Variants in ZNRF2 observed in about 807,000 individuals in gnomAD.
ZNRF2 encodes the protein zinc and ring finger 2, also known as E3 ubiquitin-protein ligase ZNRF2.
A neutral mutation model predicts 20.4 loss-of-function variants in ZNRF2; 16 were observed. The observed-to-expected ratio is 0.79, with a 90% confidence interval of 0.53 to 1.19. The LOEUF (loss-of-function observed/expected upper bound fraction) is 1.19, where lower values mean the gene tolerates loss of function less well. Ranked by LOEUF, ZNRF2 falls within the 50% of genes most tolerant of loss-of-function variation. The pLI, the probability that ZNRF2 is intolerant of heterozygous loss-of-function variation, is 0.00. For synonymous variants in ZNRF2, 178 were observed against 144.9 expected (o/e 1.23, Z -1.64); for missense variants, 363 against 332.4 (o/e 1.09, Z -0.72).
At chr7:30,356,863 G>C (rs943453567) in intron 3 of ZNRF2, among the ~76,000 whole-genome samples, 8 of 152,002 alleles carry the variant, frequency 5.3e-5, no homozygotes, top group Non-Finnish European at 7.4e-5. Flanking sequence ...CTGCCACCAT[G>C]CCCGGCTAAT....
intron 1 of ZNRF2, among the ~76,000 whole-genome samples, chr7:30,301,409 G>A (rs1799111798): frequency 6.6e-6 from 1 of 152,088 alleles, no homozygotes; most frequent in African/African-American, 2.4e-5. Flanking sequence ...CTTAAACCCG[G>A]GTGGTGGAGG....
intron 1 of ZNRF2, among the ~76,000 whole-genome samples, chr7:30,295,944 T>G (rs985376465): frequency 3.2e-4 from 49 of 152,318 alleles, no homozygotes; most frequent in Admixed American, 1.2e-3. Context: ...AACAATCCAG[T>G]TTTCATTATT....
At chr7:30,305,482 TCTC>T (rs1410893633) in intron 1 of ZNRF2, among the ~76,000 whole-genome samples, 1 of 152,156 alleles carries the variant, frequency 6.6e-6, no homozygotes, top group Non-Finnish European at 1.5e-5. Context: ...GTAAGTTTGT[TCTC>T]CTTGTTTTTT....
intron 1 of ZNRF2, among the ~76,000 whole-genome samples, chr7:30,307,054 A>G (rs769267939): frequency 7.9e-5 from 12 of 152,040 alleles, no homozygotes; most frequent in Non-Finnish European, 1.2e-4. Context: ...AATGGTAAGT[A>G]TTTAAATAAG....
At chr7:30,358,085 A>G (rs895750049) in intron 3 of ZNRF2, among the ~76,000 whole-genome samples, 1 of 152,218 alleles carries the variant, frequency 6.6e-6, no homozygotes, top group Non-Finnish European at 1.5e-5. Context: ...ACATTAACAA[A>G]GGAAAGAAAC....
intron 1 of ZNRF2, among the ~76,000 whole-genome samples, chr7:30,310,167 T>C (rs1799270947): frequency 6.6e-6 from 1 of 152,212 alleles, no homozygotes; most frequent in South Asian, 2.1e-4. Flanking sequence ...AGGTGGGTGA[T>C]GGCTTGAGAA....
intron 1 of ZNRF2, among the ~76,000 whole-genome samples, chr7:30,323,285 A>G (rs936753054): frequency 6.6e-6 from 1 of 152,226 alleles, no homozygotes; most frequent in Non-Finnish European, 1.5e-5. Flanking sequence ...AATTTCCACA[A>G]GAGTAGTCAG....
chr7:30,303,306 A>AT (rs1799148643), intron 1 of ZNRF2, among the ~76,000 whole-genome samples: 1 of 151,986 alleles, frequency 6.6e-6, no homozygotes, highest in African/African-American at 2.4e-5. Context: ...TAGTTAACTC[A>AT]TTTTAATTCA....
chr7:30,285,712 A>G lies in ZNRF2; in HGVS notation c.355A>G (p.Ser119Gly). ...GPYGSQDSVH[S>G]SPEDGGGGRD... is the part of the protein sequence containing the mutation. ...GTACGGCTCGCAGGACTCGGTGCAC[A>G]GCAGCCCTGAGGACGGCGGCGGCGG... Residue 119 changes from serine (S) to glycine (G), a missense_variant, in exon 1 of 5, where the codon AGC becomes GGC. Coordinates refer to ENST00000323037, the MANE Select transcript of ZNRF2 (RefSeq NM_147128.4). 5.4e-6 allele frequency: 8 copies of G among 1,477,364 alleles called. No individual in the cohort carries two copies. The highest frequency in any genetic ancestry group is 7.1e-6 in the Non-Finnish European group (8 of 1,121,158). The allele number at this position is 1,477,364 out of a possible 1,614,324, so 91.5% of individuals were successfully genotyped here.
chr7:30,352,735 T>G (rs963212282), intron 2 of ZNRF2, among the ~76,000 whole-genome samples: 1 of 152,062 alleles, frequency 6.6e-6, no homozygotes, highest in African/African-American at 2.4e-5. Flanking sequence ...CCCCAAGATA[T>G]TCCAGTTCTG....
intron 1 of ZNRF2, among the ~76,000 whole-genome samples, chr7:30,302,634 C>T (rs56340974): frequency 0.012 from 1,871 of 151,808 alleles, 16 homozygotes; most frequent in South Asian, 0.041. Context: ...TTGGTTATCT[C>T]GGACTAGTAG....
intron 1 of ZNRF2, among the ~76,000 whole-genome samples, chr7:30,291,643 T>C (rs942429461): frequency 6.6e-6 from 1 of 152,206 alleles, no homozygotes; most frequent in Non-Finnish European, 1.5e-5. Flanking sequence ...TAGGAAATGA[T>C]AATGAGTTCC....
intron 4 of ZNRF2, among the ~76,000 whole-genome samples, chr7:30,364,188 T>C (rs917939958): frequency 6.6e-6 from 1 of 152,184 alleles, no homozygotes; most frequent in Non-Finnish European, 1.5e-5. Context: ...GATTAGAATA[T>C]TGACAGAGAA....
chr7:30,292,882 C>T (rs981658665), intron 1 of ZNRF2, among the ~76,000 whole-genome samples: 3 of 152,054 alleles, frequency 2.0e-5, no homozygotes, highest in African/African-American at 4.8e-5. Context: ...CTGTGGTTTG[C>T]GGCTTTTGTT....
At chr7:30,301,014 A>G (rs1214577140) in intron 1 of ZNRF2, among the ~76,000 whole-genome samples, 2 of 152,238 alleles carry the variant, frequency 1.3e-5, no homozygotes, top group African/African-American at 4.8e-5. Flanking sequence ...AGTTGTTACA[A>G]CAATCAGACC....
In ZNRF2 at chr7:30,293,386, T is replaced by C. The variant is rs539456738; in HGVS notation, c.469+7560T>C. ...GCCCCAGCCTCCCAAGTAGCTGGGA[T>C]TACAGGTGTGCACCACCATGCCTCA... is the stretch of plus-strand genomic sequence containing the variant. On this transcript the variant is annotated intron_variant, in intron 1 of 4. Transcript: ENST00000323037. Among the ~76,000 whole-genome samples the C allele has an allele frequency of 4.9e-4, 75 of 152,068 alleles. 3 individuals are homozygous for C. The South Asian group carries it at 0.014, about 27-fold the overall frequency.
intron 1 of ZNRF2, among the ~76,000 whole-genome samples, chr7:30,305,921 G>A (rs1484313606): frequency 6.6e-6 from 1 of 152,064 alleles, no homozygotes; most frequent in Non-Finnish European, 1.5e-5. Flanking sequence ...TTGAAACATT[G>A]AAAACATTAT....
In ZNRF2 at chr7:30,285,540, C is replaced by A. The variant is rs993561635; in HGVS notation, c.183C>A (p.Ala61=). 2.0e-6 allele frequency: 2 copies of A among 981,548 alleles called. No homozygotes were observed. Among genetic ancestry groups the A allele is most frequent in the African/African-American group, 1.8e-5 (1 of 55,838 alleles). The allele number at this position is 981,548 out of a possible 1,614,324, so 60.8% of individuals were successfully genotyped here. A position where few individuals can be genotyped will look rare whatever the true frequency, so the allele number is the denominator to read the frequency against. Residue 61 remains alanine (A), a synonymous_variant, in exon 1 of 5, where the codon GCC becomes GCA. Coordinates refer to ENST00000323037, the MANE Select transcript of ZNRF2 (RefSeq NM_147128.4). ...TGCCCAGCGCGCACCAGCCCAGCGCCTCCGGCGGCGCCGCGGCGGCCGCGG... is the reference window on the plus strand; with the variant it reads ...TGCCCAGCGCGCACCAGCCCAGCGCATCCGGCGGCGCCGCGGCGGCCGCGG... ...AQVPSAHQPS[A]SGGAAAAAAA... is the part of the protein sequence containing the mutation.
At chr7:30,307,535 G>A (rs947433544) in intron 1 of ZNRF2, among the ~76,000 whole-genome samples, 5 of 151,610 alleles carry the variant, frequency 3.3e-5, no homozygotes, top group Non-Finnish European at 7.4e-5. Flanking sequence ...TATAGACTGA[G>A]TCCAAGTCCA....
Sources: allele counts gnomAD v4.1 joint callset (sites outside exome capture counted in the v4.1 genomes callset), GRCh38; gene constraint gnomAD v4.1.1; transcripts MANE v1.5; gene names NCBI Gene and HGNC (gene_info 2026-07-23, HGNC 2026-07-21).